Variants in GLIS3 observed in about 807,000 individuals in gnomAD.
The protein encoded by GLIS3 is zinc finger protein GLIS3.
A neutral mutation model predicts 78.6 loss-of-function variants in GLIS3; 53 were observed. That is an observed-to-expected ratio of 0.67 (90% CI 0.54 to 0.85). The LOEUF (loss-of-function observed/expected upper bound fraction) is 0.85. Among genes scored for constraint, GLIS3 ranks in the 40% least tolerant of loss-of-function variants. GLIS3 has a pLI of 0.00. For missense variants in GLIS3, 1,703 were observed against 1,231.1 expected (o/e 1.38, Z -5.74); for synonymous variants, 684 against 509.9 (o/e 1.34, Z -4.60).
chr9:4,260,264 C>G (rs752349825), intron 2 of GLIS3, among the ~76,000 whole-genome samples: 1 of 152,022 alleles, frequency 6.6e-6, no homozygotes, highest in Non-Finnish European at 1.5e-5. Flanking sequence ...AACCCTGTCT[C>G]TACTGAAAAT....
chr9:4,388,201 C>G, the GLIS3 span, among the ~76,000 whole-genome samples: 1 of 152,110 alleles, frequency 6.6e-6, no homozygotes, highest in Non-Finnish European at 1.5e-5. Flanking sequence ...ATAACAGACC[C>G]CTTTTCCACT....
the GLIS3 span, among the ~76,000 whole-genome samples, chr9:4,443,268 T>C: frequency 2.6e-5 from 4 of 152,186 alleles, no homozygotes; most frequent in South Asian, 2.1e-4. Flanking sequence ...ACGGCTTAAA[T>C]TGTTTGTTCA....
the GLIS3 span, among the ~76,000 whole-genome samples, chr9:4,485,683 A>G: frequency 6.6e-6 from 1 of 151,162 alleles, no homozygotes; most frequent in South Asian, 2.1e-4. Flanking sequence ...AGGGGATTGC[A>G]CTACCAGTGA....
intron 2 of GLIS3, among the ~76,000 whole-genome samples, chr9:4,276,393 G>T (rs1826995527): frequency 2.2e-5 from 1 of 44,608 alleles, no homozygotes; most frequent in Non-Finnish European, 4.5e-5. Flanking sequence ...TGAGGGGAGG[G>T]AAGGGAAGGG....
intron 9 of GLIS3, among the ~76,000 whole-genome samples, chr9:3,844,708 CAG>C (rs1818930979): frequency 6.6e-6 from 1 of 152,106 alleles, no homozygotes; most frequent in Non-Finnish European, 1.5e-5. Flanking sequence ...GCTTGACTGA[CAG>C]GGTGAAAGAT....
intron 4 of GLIS3, among the ~76,000 whole-genome samples, chr9:4,068,257 A>G (rs1290120798): frequency 6.6e-6 from 1 of 152,206 alleles, no homozygotes; most frequent in Admixed American, 6.5e-5. Context: ...AATCATAATA[A>G]TCAAATCCTA....
chr9:4,129,945 G>A (rs1424626663), intron 2 of GLIS3, among the ~76,000 whole-genome samples: 2 of 152,226 alleles, frequency 1.3e-5, no homozygotes, highest in South Asian at 2.1e-4. Context: ...AGTCCAGGCT[G>A]AGGAGGTCTC....
At chr9:4,316,819 A>G (rs1424928694) in intron 2 of GLIS3, among the ~76,000 whole-genome samples, 1 of 152,224 alleles carries the variant, frequency 6.6e-6, no homozygotes, top group Non-Finnish European at 1.5e-5. Context: ...AAATGTATGC[A>G]TAGCTCAAAT....
intron 4 of GLIS3, among the ~76,000 whole-genome samples, chr9:4,030,733 C>T (rs758972993): frequency 6.6e-6 from 1 of 152,176 alleles, no homozygotes; most frequent in Non-Finnish European, 1.5e-5. Context: ...CTCTTGATGG[C>T]ATGACTGGAA....
chr9:3,992,037 T>G (rs1311754566), intron 4 of GLIS3, among the ~76,000 whole-genome samples: 1 of 152,142 alleles, frequency 6.6e-6, no homozygotes, highest in Admixed American at 6.6e-5. Context: ...GGCCAATTAC[T>G]TTTAGACAAA....
intron 4 of GLIS3, among the ~76,000 whole-genome samples, chr9:4,077,796 A>G (rs2130677863): frequency 6.6e-6 from 1 of 152,274 alleles, no homozygotes; most frequent in East Asian, 1.9e-4. Context: ...AGTGGATTCC[A>G]GTTTGTCATT....
chr9:3,940,769 A>G (rs915346475), intron 4 of GLIS3, among the ~76,000 whole-genome samples: 1 of 152,230 alleles, frequency 6.6e-6, no homozygotes, highest in Non-Finnish European at 1.5e-5. Flanking sequence ...GTGGTGTGCA[A>G]TGAGCATTTA....
At chr9:3,898,336 T>C (rs941375906) in intron 7 of GLIS3, 127 of 332,348 alleles carry the variant, frequency 3.8e-4, no homozygotes, top group South Asian at 1.2e-3. Context: ...AACTGTTTCA[T>C]TAAGAAATCC....
chr9:4,406,260 C>T, the GLIS3 span, among the ~76,000 whole-genome samples: 5 of 152,154 alleles, frequency 3.3e-5, no homozygotes, highest in African/African-American at 1.2e-4. Context: ...AAGGGCATCC[C>T]AACTGGAAAG....
chr9:4,148,239 G>C (rs1366063730), intron 2 of GLIS3, among the ~76,000 whole-genome samples: 1 of 152,018 alleles, frequency 6.6e-6, no homozygotes, highest in Non-Finnish European at 1.5e-5. Context: ...TTCTAGATGA[G>C]ATCTGGCTAC....
chr9:4,058,117 A>G (rs1262028098), intron 4 of GLIS3, among the ~76,000 whole-genome samples: 2 of 152,138 alleles, frequency 1.3e-5, no homozygotes, highest in Admixed American at 1.3e-4. Flanking sequence ...AAATGTACCT[A>G]TATCACAAGA....
chr9:4,093,806 G>C (rs1829716171), intron 4 of GLIS3, among the ~76,000 whole-genome samples: 1 of 151,990 alleles, frequency 6.6e-6, no homozygotes, highest in African/African-American at 2.4e-5. Context: ...TAAATTTTAG[G>C]CCATTTAAGG....
rs141955050 is a variant in GLIS3 at position 4,012,929 on chromosome 9, C to T, written c.1711-75740G>A. Among the ~76,000 whole-genome samples, 155 of 151,994 alleles carry T rather than the reference C, an allele frequency of 1.0e-3. 4 individuals carry two copies. The East Asian group carries it at 0.026, about 26-fold the overall frequency. On this transcript the variant is annotated intron_variant, in intron 4 of 10. Transcript: ENST00000381971. ...CTGGGATTACAGGTGCCCGCCACCACGCCCAGCTAATTTTTGTATTTTAAG... is the reference window on the plus strand; with the variant it reads ...CTGGGATTACAGGTGCCCGCCACCATGCCCAGCTAATTTTTGTATTTTAAG...
At chr9:4,325,237 T>C (rs1817583411) in intron 2 of GLIS3, among the ~76,000 whole-genome samples, 1 of 152,204 alleles carries the variant, frequency 6.6e-6, no homozygotes, top group South Asian at 2.1e-4. Flanking sequence ...ATGTTTTACA[T>C]TTGAGGCTAG....
Sources: allele counts gnomAD v4.1 joint callset (sites outside exome capture counted in the v4.1 genomes callset), GRCh38; gene constraint gnomAD v4.1.1; transcripts MANE v1.5; gene names NCBI Gene and HGNC (gene_info 2026-07-23, HGNC 2026-07-21).